The following CDKL5 variants were observed in gnomAD, a reference collection of about 807,000 sequenced individuals.
The protein encoded by CDKL5 is cyclin dependent kinase like 5.
Under a neutral mutation model 61.7 loss-of-function variants are expected in CDKL5, and 8 were observed. The observed-to-expected ratio is 0.13, with a 90% CI of 0.08 to 0.23. The LOEUF (loss-of-function observed/expected upper bound fraction) is 0.23. Ranked by LOEUF, CDKL5 falls within the 10% of genes least tolerant of loss-of-function variation. CDKL5 has a pLI of 1.00. For missense variants in CDKL5, 440 were observed against 734.5 expected (o/e 0.60, Z 4.63); for synonymous variants, 275 against 272.3 (o/e 1.01, Z -0.10).
intron 1 of CDKL5, among the ~76,000 whole-genome samples, chrX:18,462,621 G>A (rs1378882734): frequency 8.0e-5 from 9 of 112,047 alleles, no homozygotes; most frequent in African/African-American, 2.9e-4. Context: ...GTACTAGGGT[G>A]TGAGTATATG....
rs1481098521 is a variant in CDKL5, at chrX:18,638,469, G to T, written c.*9712G>T. 8.9e-6 allele frequency: 1 copy of T among 112,129 alleles called. No individual in the cohort carries two copies. Among genetic ancestry groups the T allele is most frequent in the Non-Finnish European group, 1.9e-5 (1 of 53,249 alleles). The allele number at this position is 112,129 out of a possible 1,213,427, so 9.2% of individuals were successfully genotyped here. Reference sequence around the variant, plus strand: ...TTAATTGAAAGTTTCCCCCACAAAAGAAATGATACTTGGAAGCATAGTTTG... The same window carrying T: ...TTAATTGAAAGTTTCCCCCACAAAATAAATGATACTTGGAAGCATAGTTTG... On this transcript the variant is annotated 3_prime_UTR_variant, in exon 18 of 18. Coordinates refer to ENST00000623535, the MANE Select transcript of CDKL5 (RefSeq NM_001323289.2).
intron 1 of CDKL5, among the ~76,000 whole-genome samples, chrX:18,450,137 A>G (rs1007887122): frequency 1.8e-5 from 2 of 111,632 alleles, no homozygotes; most frequent in Admixed American, 1.9e-4. Context: ...TGCCAAATGT[A>G]AGATATGGCC....
rs374054249 is a variant in CDKL5, at chrX:18,650,553, C to T, written c.2941C>T (p.Arg981Ter). 21 of 1,212,162 alleles carry T rather than the reference C, an allele frequency of 1.7e-5. No individual in the cohort carries two copies. Among genetic ancestry groups the T allele is most frequent in the South Asian group, 3.5e-5 (2 of 57,035 alleles). The change falls in exon 21 of 22, where the codon CGA (arginine) becomes TGA (stop). Residue 981 changes from arginine to a stop codon, truncating the protein, a stop_gained. Transcript: ENST00000379989. LOFTEE classifies it low-confidence loss of function (END_TRUNC). ...TTCCATGTGCCCGACACTCCAGGTC[C>T]GAGGCACTGATGCTTTCAGCTGCCC...
In CDKL5 at chrX:18,620,100, CTCTT is replaced by C. The variant is rs1926845207; in HGVS notation, c.2376+138_2376+141del. ...TTGACATTTTTGCACTGTATTATGT[CTCTT>C]TCTGAAATTCTTTACAACTATCCTC... On this transcript the variant is annotated intron_variant, in intron 16 of 17. Coordinates refer to ENST00000623535, the MANE Select transcript of CDKL5 (RefSeq NM_001323289.2). 6.7e-6 allele frequency: 3 copies of C among 449,398 alleles called. No homozygotes were observed. In the Admixed American group the frequency reaches 1.2e-4, roughly 18 times the overall value. The allele number at this position is 449,398 out of a possible 1,213,427, so 37.0% of individuals were successfully genotyped here.
chrX:18,590,213 A>G (rs982223869), intron 9 of CDKL5, among the ~76,000 whole-genome samples: 1 of 111,372 alleles, frequency 9.0e-6, no homozygotes, highest in Non-Finnish European at 1.9e-5. Flanking sequence ...GTCCTTGCCC[A>G]TGCCTGTGTC....
chrX:18,426,060 C>T (rs975624553), intron 1 of CDKL5: 7 of 112,494 alleles, frequency 6.2e-5, no homozygotes, highest in African/African-American at 2.2e-4. Context: ...GGCACGAGCT[C>T]CCCGGGGCTT....
chrX:18,643,177 C>T (rs1359306053), downstream of CDKL5, among the ~76,000 whole-genome samples: 1 of 111,420 alleles, frequency 9.0e-6, no homozygotes, highest in African/African-American at 3.3e-5. Context: ...GGGTGTTTGA[C>T]GCCATTTCCA....
intron 12 of CDKL5, 42 bp from the exon 13 acceptor site, chrX:18,608,769 G>A (rs1328540756): frequency 2.2e-6 from 2 of 910,754 alleles, no homozygotes; most frequent in Admixed American, 4.4e-5. Flanking sequence ...CCATCCCTAG[G>A]AACAGGATGC....
chrX:18,460,762 A>C (rs1384450892), intron 1 of CDKL5, among the ~76,000 whole-genome samples: 1 of 111,582 alleles, frequency 9.0e-6, no homozygotes, highest in Non-Finnish European at 1.9e-5. Context: ...TGGCCTTCCA[A>C]AGTGCTGGGA....
chrX:18,649,055 A>G (rs902973995), intron 20 of CDKL5, among the ~76,000 whole-genome samples: 9 of 109,234 alleles, frequency 8.2e-5, no homozygotes, highest in Non-Finnish European at 1.3e-4. Context: ...AAAAAAAAAA[A>G]AAAAGAAAAC....
downstream of CDKL5, chrX:18,644,496 G>C (rs777902881): frequency 1.7e-6 from 2 of 1,211,432 alleles, no homozygotes; most frequent in Non-Finnish European, 2.2e-6. Context: ...TGTACTGCAC[G>C]CTGTACTTGG....
At chrX:18,573,950 G>A (rs1044135084) in intron 4 of CDKL5, among the ~76,000 whole-genome samples, 1 of 111,413 alleles carries the variant, frequency 9.0e-6, no homozygotes, top group Non-Finnish European at 1.9e-5. Context: ...AACATTCCTG[G>A]GTCTGCATTT....
At position 18,495,732 on chromosome X, in the gene CDKL5, C is replaced by T. The variant is rs758879094; in HGVS notation, c.-162-11203C>T. 4.5e-5 allele frequency among the ~76,000 whole-genome samples: 5 copies of T among 111,842 alleles called. No homozygotes were observed. The East Asian group carries it at 1.4e-3, about 31-fold the overall frequency. On this transcript the variant is annotated intron_variant, in intron 1 of 17. Coordinates refer to ENST00000623535, the MANE Select transcript of CDKL5 (RefSeq NM_001323289.2). ...GACTCTTTGTACTGCCTTGAACACT[C>T]TTCTCATAGCCCTGGTGGCTTGGAA... is the stretch of plus-strand genomic sequence containing the variant.
At chrX:18,514,489 C>T (rs1279581936) in intron 3 of CDKL5, among the ~76,000 whole-genome samples, 5 of 110,642 alleles carry the variant, frequency 4.5e-5, no homozygotes, top group African/African-American at 1.6e-4. Flanking sequence ...GGCAGATCAC[C>T]TGAGGTGAGG....
chrX:18,607,190 A>G lies in CDKL5; in HGVS notation c.1945-1621A>G, dbSNP rs1926392515. The stretch of plus-strand genomic sequence containing the variant: ...TGAATTTGAAGTGACCTTGGCCTCT[A>G]AGCAGAAGTGTGCTCTAAGAGGCTA... On this transcript the variant is annotated intron_variant, in intron 12 of 17. Transcript: ENST00000623535. Among the ~76,000 whole-genome samples the G allele has an allele frequency of 1.8e-5, 2 of 111,171 alleles. 1 individual carries two copies. The highest frequency in any genetic ancestry group is 7.7e-4 in the South Asian group (2 of 2,581).
chrX:18,590,349 A>C (rs1047069768), intron 9 of CDKL5, among the ~76,000 whole-genome samples: 2 of 112,034 alleles, frequency 1.8e-5, no homozygotes, highest in Non-Finnish European at 3.8e-5. Context: ...GGGAGCTATA[A>C]AATAATCTCC....
intron 9 of CDKL5, among the ~76,000 whole-genome samples, chrX:18,592,364 A>G (rs1176060527): frequency 8.9e-6 from 1 of 112,480 alleles, no homozygotes; most frequent in Non-Finnish European, 1.9e-5. Context: ...AGAAATCATC[A>G]TTGGGGATTC....
intron 3 of CDKL5, among the ~76,000 whole-genome samples, chrX:18,528,585 C>CCTCTCT (rs752729307): frequency 3.3e-3 from 340 of 103,817 alleles, no homozygotes; most frequent in African/African-American, 0.012. Flanking sequence ...TCCCTCCCTG[C>CCTCTCT]CTCTCTCTCT....
chrX:18,623,266 T>C (rs909425467), intron 16 of CDKL5, among the ~76,000 whole-genome samples: 3 of 112,288 alleles, frequency 2.7e-5, no homozygotes, highest in Non-Finnish European at 5.6e-5. Context: ...TGAAAACCAG[T>C]ATCTGAATTG....
Sources: gnomAD v4.1 joint callset for allele counts (sites outside exome capture counted in the v4.1 genomes callset) on GRCh38, gnomAD v4.1.1 for gene constraint, MANE v1.5 for transcripts, NCBI Gene and HGNC (gene_info 2026-07-23, HGNC 2026-07-21) for gene names.